PCSK5: variants seen among roughly 807,000 people sequenced by gnomAD.
PCSK5 encodes the protein prohormone convertase 5.
A neutral mutation model predicts 233.2 loss-of-function variants in PCSK5; 129 were observed. That is an observed-to-expected ratio of 0.55 (90% CI 0.48 to 0.64). The LOEUF (loss-of-function observed/expected upper bound fraction) is 0.64. Ranked by LOEUF, PCSK5 falls within the 30% of genes least tolerant of loss-of-function variation. The probability of loss-of-function intolerance (pLI) is 0.00; values close to 1 mark genes in which losing one functional copy is unlikely to be tolerated. For missense variants in PCSK5, 2,076 were observed against 2,430.1 expected (o/e 0.85, Z 3.06); for synonymous variants, 825 against 879.2 (o/e 0.94, Z 1.09).
chr9:76,351,506 A>AGG (rs1181891223), intron 36 of PCSK5, among the ~76,000 whole-genome samples: 1 of 121,446 alleles, frequency 8.2e-6, no homozygotes, highest in African/African-American at 2.9e-5. Flanking sequence ...GAAAGAAAGA[A>AGG]AGAAAGAAAG....
intron 10 of PCSK5, among the ~76,000 whole-genome samples, chr9:76,141,220 A>C (rs748829946): frequency 1.2e-4 from 18 of 152,114 alleles, no homozygotes; most frequent in African/African-American, 4.1e-4. Flanking sequence ...TAAGATGCCC[A>C]AAAATGATTT....
At chr9:76,135,561 G>A (rs1236666648) in intron 10 of PCSK5, among the ~76,000 whole-genome samples, 1 of 152,074 alleles carries the variant, frequency 6.6e-6, no homozygotes, top group Admixed American at 6.6e-5. Context: ...GCCCAAATCA[G>A]GAGATTTGAT....
At chr9:76,215,985 C>A (rs1825514209) in intron 20 of PCSK5, among the ~76,000 whole-genome samples, 1 of 152,042 alleles carries the variant, frequency 6.6e-6, no homozygotes, top group Admixed American at 6.6e-5. Flanking sequence ...TGGAGTCAGA[C>A]TCCAAGGGGG....
chr9:76,065,209 G>A (rs1328471970), intron 5 of PCSK5, among the ~76,000 whole-genome samples: 3 of 152,096 alleles, frequency 2.0e-5, no homozygotes, highest in African/African-American at 7.2e-5. Flanking sequence ...TAGGTTTTAC[G>A]GGACCCGCCA....
chr9:75,985,746 A>G (rs897071241), intron 2 of PCSK5, among the ~76,000 whole-genome samples: 4 of 152,308 alleles, frequency 2.6e-5, no homozygotes, highest in East Asian at 3.9e-4. Flanking sequence ...AGCCTAAAAT[A>G]CGTATTATTT....
In PCSK5 at chr9:75,976,295, C is replaced by CAG. The variant is rs1193933618; in HGVS notation, c.298-9836_298-9835insGA. On this transcript the variant is annotated intron_variant, in intron 2 of 37. Transcript: ENST00000674117. ...GACACCACACACACACACACACACA[C>CAG]ACACACACACACACACACACACACA... 3.2e-4 allele frequency among the ~76,000 whole-genome samples: 22 copies of CAG among 68,760 alleles called. No homozygotes were observed. In the South Asian group the frequency reaches 5.2e-3, roughly 16 times the overall value. The allele number at this position is 68,760 out of a possible 152,430, so 45.1% of individuals were successfully genotyped here. A position where few individuals can be genotyped will look rare whatever the true frequency, so the allele number is the denominator to read the frequency against.
chr9:76,297,472 T>C (rs1416395766), intron 27 of PCSK5, among the ~76,000 whole-genome samples: 1 of 152,078 alleles, frequency 6.6e-6, no homozygotes, highest in East Asian at 1.9e-4. Flanking sequence ...GGGACAGGTG[T>C]GGGAGCTTGG....
rs1304374946 is a variant in PCSK5 at position 76,240,635 on chromosome 9, C to T, written c.3093C>T (p.Asp1031=). Residue 1031 remains aspartate (D), a synonymous_variant, in exon 24 of 38, where the codon GAC becomes GAT. Transcript: ENST00000674117. ...ECGQGEVQDP[D]YEECVPCEEG... Reference sequence around the variant, plus strand: ...GTGTAGGTGAAGTCCAAGACCCAGACTATGAAGAATGTGTCCCTTGTGAAG... The same window carrying T: ...GTGTAGGTGAAGTCCAAGACCCAGATTATGAAGAATGTGTCCCTTGTGAAG... 6.3e-7 allele frequency: 1 copy of T among 1,578,106 alleles called. No individual in the cohort carries two copies. The highest frequency in any genetic ancestry group is 8.6e-7 in the Non-Finnish European group (1 of 1,160,130).
At chr9:76,316,773 G>C (rs1221257055) in intron 30 of PCSK5, among the ~76,000 whole-genome samples, 1 of 135,744 alleles carries the variant, frequency 7.4e-6, no homozygotes, top group East Asian at 2.4e-4. Flanking sequence ...AAAAAAGAAT[G>C]TGATCTATTT....
intron 3 of PCSK5, among the ~76,000 whole-genome samples, chr9:75,991,122 AAAGTT>A (rs1826750778): frequency 6.6e-6 from 1 of 152,210 alleles, no homozygotes; most frequent in African/African-American, 2.4e-5. Flanking sequence ...AAAGCAAAGA[AAAGTT>A]AAGTCACCAG....
chr9:75,918,352 G>A (rs1264513154), intron 1 of PCSK5, among the ~76,000 whole-genome samples: 1 of 152,158 alleles, frequency 6.6e-6, no homozygotes, highest in African/African-American at 2.4e-5. Context: ...GGCTGAGCAG[G>A]TGATGACTAG....
intron 2 of PCSK5, among the ~76,000 whole-genome samples, chr9:75,960,722 T>C (rs1218514332): frequency 6.6e-6 from 1 of 152,218 alleles, no homozygotes; most frequent in African/African-American, 2.4e-5. Context: ...CCAGCCGTGC[T>C]CTACTTATTA....
Position 76,066,635 on chromosome 9 carries a change from A to C in PCSK5, c.633-1320A>C, listed in dbSNP as rs115338975. Among the ~76,000 whole-genome samples, 1,473 of 152,300 alleles carry C rather than the reference A, an allele frequency of 9.7e-3. 35 individuals carry two copies. The highest frequency in any genetic ancestry group is 0.034 in the African/African-American group (1,426 of 41,546). On this transcript the variant is annotated intron_variant, in intron 5 of 37. Transcript: ENST00000674117. ...ATTTATATATATCATTTAAGGAATT[A>C]TGCAATACATTAATAACCATTAAGT...
At chr9:75,924,497 G>A (rs1823391692) in intron 1 of PCSK5, among the ~76,000 whole-genome samples, 1 of 152,128 alleles carries the variant, frequency 6.6e-6, no homozygotes, top group Non-Finnish European at 1.5e-5. Flanking sequence ...ACACTTTGAG[G>A]TGAAGGTATA....
chr9:76,289,517 T>TACACACACACACACACAC (rs138282168), intron 24 of PCSK5, among the ~76,000 whole-genome samples: 53 of 119,432 alleles, frequency 4.4e-4, no homozygotes, highest in South Asian at 9.2e-4. Context: ...ACACGCAACA[T>TACACACACACACACACAC]ACACACACAC....
In PCSK5 at chr9:76,023,215, A is replaced by T. The variant is rs192138415; in HGVS notation, c.412-523A>T. ...TAGTTTATGCTTTTCCAAAAGACTT[A>T]CGGTATCAGAACAGGACAGAGCTGG... On this transcript the variant is annotated intron_variant, in intron 3 of 37. Coordinates refer to ENST00000674117, the MANE Select transcript of PCSK5 (RefSeq NM_001372043.1). 1.6e-4 allele frequency among the ~76,000 whole-genome samples: 24 copies of T among 152,320 alleles called. No homozygotes were observed. The East Asian group carries it at 4.0e-3, about 26-fold the overall frequency.
At chr9:76,129,528 T>A (rs2131735956) in intron 9 of PCSK5, among the ~76,000 whole-genome samples, 1 of 152,254 alleles carries the variant, frequency 6.6e-6, no homozygotes, top group African/African-American at 2.4e-5. Context: ...TAAATTACAA[T>A]GAGGATGTAT....
chr9:76,233,682 G>C lies in PCSK5; in HGVS notation c.2866+86G>C. 2.4e-6 allele frequency: 3 copies of C among 1,263,754 alleles called. No homozygotes were observed. In the Admixed American group the frequency reaches 5.4e-5, roughly 23 times the overall value. The allele number at this position is 1,263,754 out of a possible 1,614,324, so 78.3% of individuals were successfully genotyped here. A position where few individuals can be genotyped will look rare whatever the true frequency, so the allele number is the denominator to read the frequency against. ...TCATTTGGTTTGACCCAAAAGCCTTGTGTCTGGGGCTGAGGGTTAAGATCA... is the reference window on the plus strand; with the variant it reads ...TCATTTGGTTTGACCCAAAAGCCTTCTGTCTGGGGCTGAGGGTTAAGATCA... On this transcript the variant is annotated intron_variant, in intron 22 of 37. Transcript: ENST00000674117.
intron 1 of PCSK5, among the ~76,000 whole-genome samples, chr9:75,921,436 C>T: frequency 6.6e-6 from 1 of 152,288 alleles, no homozygotes; most frequent in African/African-American, 2.4e-5. Context: ...AAAATATGTA[C>T]TATTTTCTGT....
Sources: allele counts gnomAD v4.1 joint callset (sites outside exome capture counted in the v4.1 genomes callset), GRCh38; gene constraint gnomAD v4.1.1; transcripts MANE v1.5; gene names NCBI Gene and HGNC (gene_info 2026-07-23, HGNC 2026-07-21).